GGH: variants seen among roughly 807,000 people sequenced by gnomAD.
The protein encoded by GGH is gamma-glutamyl hydrolase.
GGH carries 18 observed loss-of-function variants against 39.2 expected under a neutral mutation model. That is an observed-to-expected ratio of 0.46 (90% CI 0.32 to 0.68). The LOEUF is 0.68. Among genes scored for constraint, GGH ranks in the 30% least tolerant of loss-of-function variants. GGH has a pLI of 0.04. For missense variants in GGH, 367 were observed against 384.1 expected (o/e 0.96, Z 0.37); for synonymous variants, 147 against 138.8 (o/e 1.06, Z -0.42).
chr8:63,018,695 A>C (rs992972163), intron 7 of GGH, among the ~76,000 whole-genome samples: 1 of 152,236 alleles, frequency 6.6e-6, no homozygotes, highest in Admixed American at 6.5e-5. Flanking sequence ...TACCAGCAAG[A>C]GACCCACAGG....
rs552399826 is a variant in GGH at position 63,026,392 on chromosome 8, T to C, written c.361-96A>G. ...GTCATAACCAAATAGGCACCTGAGT[T>C]ACACATGGATTTCTGAAGAATTCTC... On this transcript the variant is annotated intron_variant, in intron 4 of 8. Transcript: ENST00000260118. The C allele has an allele frequency of 6.0e-5, 51 of 854,880 alleles. No homozygotes were observed. The African/African-American group carries it at 6.9e-4, about 12-fold the overall frequency. 53.0% of individuals were successfully genotyped at this position (854,880 alleles called of 1,614,324 possible).
At chr8:63,038,588 C>CGGGGGGGGGGGG in intron 1 of GGH, 72 bp downstream of exon 1, 2 of 754,244 alleles carry the variant, frequency 2.7e-6, no homozygotes, top group East Asian at 3.3e-5. Flanking sequence ...AGCTGGAGCG[C>CGGGGGGGGGGGG]GGCGGCGGGA....
intron 1 of GGH, 49 bp from the exon 2 acceptor site, chr8:63,035,819 CT>C (rs1487078856): frequency 6.8e-7 from 1 of 1,471,800 alleles, no homozygotes; most frequent in East Asian, 2.3e-5. Flanking sequence ...TTTCTTCTTG[CT>C]CAGAAACTGA....
intron 3 of GGH, among the ~76,000 whole-genome samples, 157 bp from the exon 4 acceptor site, chr8:63,027,422 T>C (rs757927393): frequency 6.6e-6 from 1 of 152,108 alleles, no homozygotes; most frequent in African/African-American, 2.4e-5. Context: ...AAAGAAAATA[T>C]AAAATATTTA....
At chr8:63,038,616 C>T in intron 1 of GGH, 44 bp downstream of exon 1, 1 of 1,102,096 alleles carries the variant, frequency 9.1e-7, no homozygotes, top group Non-Finnish European at 1.2e-6. Flanking sequence ...AGCGCCAACA[C>T]CCAGCTCCTC....
At chr8:63,017,814 G>A (rs762042799) in intron 7 of GGH, 184 bp from the exon 8 acceptor site, 160 of 487,342 alleles carry the variant, frequency 3.3e-4, no homozygotes, top group Non-Finnish European at 5.1e-4. Context: ...TCCCTGTAAC[G>A]TATTTCACTG....
chr8:63,035,523 C>T (rs1156376078), intron 2 of GGH, 133 bp downstream of exon 2: 3 of 1,309,130 alleles, frequency 2.3e-6, no homozygotes, highest in Non-Finnish European at 3.0e-6. Context: ...CCTGGCTGGT[C>T]TCGAACTCCT....
At chr8:63,027,553 A>C (rs1467687532) in intron 3 of GGH, among the ~76,000 whole-genome samples, 1 of 152,158 alleles carries the variant, frequency 6.6e-6, no homozygotes, top group Non-Finnish European at 1.5e-5. Flanking sequence ...TAAGTAGGGG[A>C]GGGGCAAGAG....
intron 2 of GGH, among the ~76,000 whole-genome samples, chr8:63,033,397 G>A (rs1017452798): frequency 3.9e-5 from 6 of 152,168 alleles, no homozygotes; most frequent in African/African-American, 1.4e-4. Flanking sequence ...TCTGTGTTGA[G>A]AGGCTCTTGA....
chr8:63,038,145 T>C (rs895754741), intron 1 of GGH, among the ~76,000 whole-genome samples: 2 of 152,210 alleles, frequency 1.3e-5, no homozygotes, highest in African/African-American at 4.8e-5. Flanking sequence ...TAACACCAAA[T>C]AGAACTCACA....
intron 1 of GGH, among the ~76,000 whole-genome samples, chr8:63,036,821 T>C (rs1194219380): frequency 6.6e-6 from 1 of 152,136 alleles, no homozygotes; most frequent in Non-Finnish European, 1.5e-5. Flanking sequence ...CAGAAAGCAA[T>C]AGGAAAGGAC....
chr8:63,018,213 T>C (rs149596465), intron 7 of GGH, among the ~76,000 whole-genome samples: 92 of 152,156 alleles, frequency 6.0e-4, no homozygotes, highest in Middle Eastern at 3.4e-3. Flanking sequence ...TCAAAGCTGA[T>C]AGATAGACAC....
chr8:63,027,027 C>T (rs998744520), intron 4 of GGH, 154 bp downstream of exon 4: 8 of 638,022 alleles, frequency 1.3e-5, no homozygotes, highest in Admixed American at 2.8e-5. Flanking sequence ...GGAAAATAGG[C>T]GGGAGCAGCC....
intron 5 of GGH, 88 bp downstream of exon 5, chr8:63,026,070 T>C: frequency 9.3e-7 from 1 of 1,073,288 alleles, no homozygotes; most frequent in Non-Finnish European, 1.3e-6. Context: ...AAAAAGAAAA[T>C]AAAAATAAGC....
chr8:63,035,487 G>A (rs1031724418), intron 2 of GGH, among the ~76,000 whole-genome samples, 169 bp downstream of exon 2: 2 of 152,040 alleles, frequency 1.3e-5, no homozygotes, highest in African/African-American at 4.8e-5. Flanking sequence ...TGTATTTTTA[G>A]TAGAGACAGG....
chr8:63,023,849 A>G, intron 7 of GGH, 58 bp downstream of exon 7: 1 of 1,218,946 alleles, frequency 8.2e-7, no homozygotes, highest in South Asian at 2.2e-5. Flanking sequence ...GACATATAAA[A>G]TCAAAATTTA....
At chr8:63,017,311 T>C (rs1179366880) in intron 8 of GGH, 182 bp downstream of exon 8, 1 of 490,740 alleles carries the variant, frequency 2.0e-6, no homozygotes, top group Non-Finnish European at 3.6e-6. Flanking sequence ...CTGGTTTTAT[T>C]AGAATACCTT....
intron 7 of GGH, among the ~76,000 whole-genome samples, chr8:63,022,506 T>C (rs1400106529): frequency 1.8e-5 from 1 of 55,816 alleles, no homozygotes; most frequent in Admixed American, 2.0e-4. Flanking sequence ...CTCAACTGTG[T>C]CTAACCTGAT....
intron 7 of GGH, 67 bp from the exon 8 acceptor site, chr8:63,017,697 T>C: frequency 1.1e-6 from 1 of 946,322 alleles, no homozygotes; most frequent in Non-Finnish European, 1.6e-6. Flanking sequence ...ATGAAATTGG[T>C]TTATTTCTTA....
Sources: allele counts gnomAD v4.1 joint callset (sites outside exome capture counted in the v4.1 genomes callset), GRCh38; gene constraint gnomAD v4.1.1; transcripts MANE v1.5; gene names NCBI Gene and HGNC (gene_info 2026-07-23, HGNC 2026-07-21).